Variants in PLEKHA2 observed in about 807,000 individuals in gnomAD.
PLEKHA2 encodes pleckstrin homology domain containing A2, also known as pleckstrin homology domain-containing family A member 2.
PLEKHA2 carries 28 observed loss-of-function variants against 53.2 expected under a neutral mutation model. That is an observed-to-expected ratio of 0.53 (90% CI 0.39 to 0.72). The LOEUF is 0.72. PLEKHA2 is among the 30% of genes least tolerant of loss of function. The pLI is 0.00. For missense variants in PLEKHA2, 426 were observed against 537.9 expected, an observed-to-expected ratio of 0.79 and a Z score of 2.06; for synonymous variants, 193 against 196.4, an observed-to-expected ratio of 0.98 and a Z score of 0.14.
chr8:38,955,163 C>T (rs1471850748), intron 9 of PLEKHA2, among the ~76,000 whole-genome samples: 1 of 152,216 alleles, frequency 6.6e-6, no homozygotes, highest in Non-Finnish European at 1.5e-5. Context: ...CCATCTGCAG[C>T]AGTGTCCACG....
Position 38,946,221 on chromosome 8 carries a change from C to T in PLEKHA2, c.345C>T (p.Thr115=), listed in dbSNP as rs758554669. The T allele has an allele frequency of 4.0e-5, 64 of 1,595,752 alleles. No homozygotes were observed. Among genetic ancestry groups the T allele is most frequent in the Middle Eastern group, 3.3e-4 (2 of 6,064 alleles). Residue 115 remains threonine, a splice_region_variant and synonymous_variant, in exon 5 of 12, where the codon ACC becomes ACT. Coordinates refer to ENST00000617275, the MANE Select transcript of PLEKHA2 (RefSeq NM_021623.2). ...VEALNQASKI[T]VPKGGGLPMT... is the part of the protein sequence containing the mutation. ...CCCTGAACCAAGCCAGCAAGATCACCGTAAGTTTGGTTTCTTCTGTTTTCT... is the reference window on the plus strand; with the variant it reads ...CCCTGAACCAAGCCAGCAAGATCACTGTAAGTTTGGTTTCTTCTGTTTTCT...
chr8:38,946,296 G>A (rs975949374), intron 5 of PLEKHA2, 75 bp downstream of exon 5: 3 of 1,301,134 alleles, frequency 2.3e-6, no homozygotes, highest in African/African-American at 2.9e-5. Context: ...TTGGGGTTGG[G>A]GAAAACTGAG....
At chr8:38,963,963 T>G (rs1835086186) in intron 10 of PLEKHA2, among the ~76,000 whole-genome samples, 1 of 152,182 alleles carries the variant, frequency 6.6e-6, no homozygotes, top group African/African-American at 2.4e-5. Flanking sequence ...GATTTAATTA[T>G]TTTACCTATC....
rs547061398 is a variant in PLEKHA2, at chr8:38,957,365, C to A, written c.816C>A (p.Ser272Arg). Residue 272 changes from serine to arginine, a missense_variant, in exon 10 of 12, where the codon AGC (serine) becomes AGA (arginine). By Grantham distance (110) the Ser-to-Arg change is moderately radical. Coordinates refer to ENST00000617275, the MANE Select transcript of PLEKHA2 (RefSeq NM_021623.2). ...ACAACCTGTTTGAAATAATAACAAG[C>A]TCCAGGACCTTCTACGTACAGGTAA... ...MRDNLFEIIT[S>R]SRTFYVQADS... 52 of 1,613,202 alleles carry A rather than the reference C, an allele frequency of 3.2e-5. No homozygotes were observed. The Admixed American group carries it at 7.0e-4, about 22-fold the overall frequency.
intron 10 of PLEKHA2, among the ~76,000 whole-genome samples, chr8:38,961,392 C>T (rs867278152): frequency 2.0e-5 from 3 of 151,916 alleles, no homozygotes; most frequent in Admixed American, 6.6e-5. Flanking sequence ...CAAAAATTAG[C>T]GGGGTGTGGT....
At chr8:38,949,813 T>C (rs1451575589) in intron 5 of PLEKHA2, among the ~76,000 whole-genome samples, 1 of 152,254 alleles carries the variant, frequency 6.6e-6, no homozygotes, top group Non-Finnish European at 1.5e-5. Flanking sequence ...TAAATATTAT[T>C]CCACTTTTCA....
In PLEKHA2 at chr8:38,969,754, G is replaced by A. The variant is rs1835210555; in HGVS notation, c.1249G>A (p.Asp417Asn). The A allele has an allele frequency of 1.5e-6, 2 of 1,305,706 alleles. No individual in the cohort carries two copies. The highest frequency in any genetic ancestry group is 5.5e-5 in the East Asian group (1 of 18,026). 80.9% of individuals were successfully genotyped at this position (1,305,706 alleles called of 1,614,324 possible). A position where few individuals can be genotyped will look rare whatever the true frequency, so the allele number is the denominator to read the frequency against. ...KEKPFMFNLD[D>N]ENIRTSDV ...GAAGCCGTTTATGTTCAACCTTGAT[G>A]ATGAAAACATACGGACCTCTGATGT... The change falls in exon 12 of 12, where the codon GAT (aspartate) becomes AAT (asparagine). Residue 417 changes from aspartate (D) to asparagine (N), a missense_variant. By Grantham distance (23) the Asp-to-Asn change is conservative. Coordinates refer to ENST00000617275, the MANE Select transcript of PLEKHA2 (RefSeq NM_021623.2).
intron 1 of PLEKHA2, among the ~76,000 whole-genome samples, chr8:38,917,515 A>G (rs1414816378): frequency 6.6e-6 from 1 of 152,202 alleles, no homozygotes; most frequent in Non-Finnish European, 1.5e-5. Flanking sequence ...TCTCAGCCCA[A>G]GCCTTATTAT....
intron 2 of PLEKHA2, among the ~76,000 whole-genome samples, chr8:38,925,106 C>T (rs918293920): frequency 6.6e-6 from 1 of 152,130 alleles, no homozygotes; most frequent in African/African-American, 2.4e-5. Flanking sequence ...ACTGTAGGCA[C>T]GATGTAATAC....
At chr8:38,958,674 G>A (rs1035839282) in intron 10 of PLEKHA2, among the ~76,000 whole-genome samples, 6 of 152,212 alleles carry the variant, frequency 3.9e-5, no homozygotes, top group Non-Finnish European at 5.9e-5. Context: ...CATGGGCATC[G>A]GAGCTACTAA....
chr8:38,959,306 A>AT (rs1346139860), intron 10 of PLEKHA2, among the ~76,000 whole-genome samples: 3 of 152,098 alleles, frequency 2.0e-5, no homozygotes, highest in Admixed American at 1.3e-4. Context: ...AATAGGAGGT[A>AT]TTTTTTTAAA....
intron 2 of PLEKHA2, among the ~76,000 whole-genome samples, chr8:38,928,236 CT>C (rs11414317): frequency 0.039 from 4,247 of 110,050 alleles, 49 homozygotes; most frequent in Middle Eastern, 0.045. Context: ...CTGACCTGGT[CT>C]TTTTTTTTTT....
chr8:38,964,593 T>A (rs1835098624), intron 10 of PLEKHA2, among the ~76,000 whole-genome samples: 1 of 152,124 alleles, frequency 6.6e-6, no homozygotes, highest in Non-Finnish European at 1.5e-5. Context: ...CTGAAAAGGT[T>A]GATGACCACT....
chr8:38,956,097 C>T (rs1386309840), intron 9 of PLEKHA2, among the ~76,000 whole-genome samples: 3 of 152,188 alleles, frequency 2.0e-5, no homozygotes, highest in Non-Finnish European at 2.9e-5. Flanking sequence ...TAAGCCACTG[C>T]GCCTGGCCCT....
intron 2 of PLEKHA2, among the ~76,000 whole-genome samples, chr8:38,926,431 G>A (rs928821079): frequency 6.1e-5 from 9 of 148,254 alleles, no homozygotes; most frequent in African/African-American, 2.2e-4. Flanking sequence ...CTCCGAGACT[G>A]AAGTGTAGTG....
chr8:38,959,185 C>T lies in PLEKHA2; in HGVS notation c.837+1799C>T, dbSNP rs185765857. Among the ~76,000 whole-genome samples, 26 of 152,046 alleles carry T rather than the reference C, an allele frequency of 1.7e-4. No homozygotes were observed. The East Asian group carries it at 2.7e-3, about 16-fold the overall frequency. The stretch of plus-strand genomic sequence containing the variant: ...AAGTGCTACTGCCATTAGACTGAAA[C>T]GTGAACCATAAGCAGGTCGCCTCAC... On this transcript the variant is annotated intron_variant, in intron 10 of 11. Coordinates refer to ENST00000617275, the MANE Select transcript of PLEKHA2 (RefSeq NM_021623.2).
chr8:38,902,649 AT>A (rs535817718), intron 1 of PLEKHA2, among the ~76,000 whole-genome samples: 1 of 151,802 alleles, frequency 6.6e-6, no homozygotes, highest in Admixed American at 6.6e-5. Flanking sequence ...TTCTTTTGTC[AT>A]TTTTTTTCTT....
rs1175559533 is a variant in PLEKHA2 at position 38,917,938 on chromosome 8, T to C, written c.9T>C (p.Tyr3=). The C allele has an allele frequency of 6.2e-7, 1 of 1,613,620 alleles. No homozygotes were observed. The highest frequency in any genetic ancestry group is 8.5e-7 in the Non-Finnish European group (1 of 1,179,656). MP[Y]VDRQNRICGF... is the part of the protein sequence containing the mutation. ...GTGAGCAGAGCCCAGGAATGCCTTA[T>C]GTGGATCGGCAGAACCGAATCTGTG... is the stretch of plus-strand genomic sequence containing the variant. The change falls in exon 2 of 12, where the codon TAT becomes TAC. Residue 3 remains tyrosine (Y), a synonymous_variant. Coordinates refer to ENST00000617275, the MANE Select transcript of PLEKHA2 (RefSeq NM_021623.2).
At chr8:38,931,741 T>G (rs1283077620) in intron 2 of PLEKHA2, among the ~76,000 whole-genome samples, 1 of 152,180 alleles carries the variant, frequency 6.6e-6, no homozygotes, top group Admixed American at 6.5e-5. Context: ...AGCAGTAAGA[T>G]CCTACTCATG....
Sources: gnomAD v4.1 joint callset for allele counts (sites outside exome capture counted in the v4.1 genomes callset) on GRCh38, gnomAD v4.1.1 for gene constraint, MANE v1.5 for transcripts, NCBI Gene and HGNC (gene_info 2026-07-23, HGNC 2026-07-21) for gene names.